The following DPP10 variants were observed in gnomAD, a reference collection of about 807,000 sequenced individuals.
DPP10 encodes dipeptidyl peptidase like 10.
A neutral mutation model predicts 120.9 loss-of-function variants in DPP10; 33 were observed. The ratio of observed to expected loss-of-function variants is 0.27; its 90% confidence interval spans 0.21 to 0.37. DPP10 has a LOEUF of 0.37. Among genes scored for constraint, DPP10 ranks in the 10% least tolerant of loss-of-function variants. DPP10 has a pLI of 1.00. For synonymous variants in DPP10, 337 were observed against 326.1 expected (o/e 1.03, Z -0.36); for missense variants, 816 against 942.8 (o/e 0.87, Z 1.76).
intron 1 of DPP10, among the ~76,000 whole-genome samples, chr2:115,091,154 G>A (rs758776643): frequency 4.3e-4 from 65 of 152,116 alleles, no homozygotes; most frequent in Non-Finnish European, 9.1e-4. Context: ...CCTGTGCTAA[G>A]AAGCCAGATC....
rs187088467 is a variant in DPP10, at chr2:115,628,220, C to T, written c.442-61467C>T. Among the ~76,000 whole-genome samples, 433 of 152,198 alleles carry T rather than the reference C, an allele frequency of 2.8e-3. 3 individuals carry two copies. Among genetic ancestry groups the T allele is most frequent in the Non-Finnish European group, 9.7e-4 (66 of 68,014 alleles). ...TTTTAATAATCACCATTCTGACTGG[C>T]GTGAGATGCTTCTCATTGTGGTTCT... On this transcript the variant is annotated intron_variant, in intron 5 of 25. Transcript: ENST00000410059.
At chr2:114,562,639 A>G (rs967843465) in intron 1 of DPP10, among the ~76,000 whole-genome samples, 26 of 152,320 alleles carry the variant, frequency 1.7e-4, no homozygotes, top group African/African-American at 5.8e-4. Context: ...ATGGTACAAC[A>G]TTGTAATAAA....
intron 1 of DPP10, among the ~76,000 whole-genome samples, chr2:114,945,499 T>C (rs1697277106): frequency 6.6e-6 from 1 of 152,084 alleles, no homozygotes; most frequent in Non-Finnish European, 1.5e-5. Flanking sequence ...CATCATTTTA[T>C]TGGAAAATTG....
intron 2 of DPP10, among the ~76,000 whole-genome samples, chr2:115,320,059 G>A (rs959887178): frequency 2.8e-4 from 42 of 152,002 alleles, no homozygotes; most frequent in Middle Eastern, 3.2e-3. Context: ...CATATAATTT[G>A]TATCTGTATT....
chr2:114,994,562 C>T (rs758278056), intron 1 of DPP10, among the ~76,000 whole-genome samples: 2 of 152,160 alleles, frequency 1.3e-5, no homozygotes, highest in Non-Finnish European at 2.9e-5. Flanking sequence ...TGCAGGCCCT[C>T]CAGGATGTGG....
chr2:115,099,233 G>C (rs1278887041), intron 1 of DPP10, among the ~76,000 whole-genome samples: 1 of 152,084 alleles, frequency 6.6e-6, no homozygotes, highest in Non-Finnish European at 1.5e-5. Context: ...AGAATCACTT[G>C]AACCCAGGAG....
rs114807644 is a variant in DPP10, at chr2:115,630,872, G to C, written c.442-58815G>C. On this transcript the variant is annotated intron_variant, in intron 5 of 25. Coordinates refer to ENST00000410059, the MANE Select transcript of DPP10 (RefSeq NM_020868.6). ...TTGATATTGGCCTGAAATATTCTTT[G>C]TGGTATCTCTGCCAGGTTTTGGTAT... is the stretch of plus-strand genomic sequence containing the variant. Among the ~76,000 whole-genome samples the C allele has an allele frequency of 6.8e-3, 1,031 of 151,816 alleles. 13 individuals carry two copies. Among genetic ancestry groups the C allele is most frequent in the African/African-American group, 0.024 (984 of 41,448 alleles).
At chr2:114,826,321 T>C (rs954624706) in intron 1 of DPP10, among the ~76,000 whole-genome samples, 6 of 152,108 alleles carry the variant, frequency 3.9e-5, no homozygotes, top group Non-Finnish European at 7.4e-5. Flanking sequence ...GCTTGTGAAA[T>C]GTTAGAATTA....
intron 2 of DPP10, among the ~76,000 whole-genome samples, chr2:115,339,047 C>T (rs1053904561): frequency 1.3e-5 from 2 of 152,098 alleles, no homozygotes; most frequent in East Asian, 1.9e-4. Flanking sequence ...ATTTGAAATT[C>T]ACGTATCTGA....
At chr2:115,629,012 G>C (rs1252922958) in intron 5 of DPP10, among the ~76,000 whole-genome samples, 2 of 151,936 alleles carry the variant, frequency 1.3e-5, no homozygotes, top group African/African-American at 4.8e-5. Flanking sequence ...TCCCCACCCT[G>C]TGACCCAGTG....
intron 5 of DPP10, among the ~76,000 whole-genome samples, chr2:115,660,451 A>C (rs2149405398): frequency 6.6e-6 from 1 of 152,288 alleles, no homozygotes. Context: ...TAATTGTATA[A>C]ATATCTCCAG....
chr2:115,225,881 G>A (rs1251132174), intron 1 of DPP10, among the ~76,000 whole-genome samples: 1 of 151,702 alleles, frequency 6.6e-6, no homozygotes, highest in Non-Finnish European at 1.5e-5. Context: ...AGATGGACCC[G>A]GGGTTTTGTG....
chr2:114,775,524 C>T (rs1159826674), intron 1 of DPP10, among the ~76,000 whole-genome samples: 1 of 152,158 alleles, frequency 6.6e-6, no homozygotes, highest in Non-Finnish European at 1.5e-5. Context: ...ATCCTTTCTT[C>T]TTTGAGCTTC....
chr2:115,816,240 A>G (rs1687214058), intron 21 of DPP10, among the ~76,000 whole-genome samples: 1 of 152,170 alleles, frequency 6.6e-6, no homozygotes, highest in South Asian at 2.1e-4. Flanking sequence ...CATAAAGAAA[A>G]CAAAGAAAAA....
chr2:115,652,756 TC>T (rs137894697), intron 5 of DPP10, among the ~76,000 whole-genome samples: 3,514 of 151,986 alleles, frequency 0.023, 138 homozygotes, highest in African/African-American at 0.081. Flanking sequence ...GATTCAAGCC[TC>T]CATGGATTGG....
At chr2:115,515,145 G>A (rs920468873) in intron 4 of DPP10, among the ~76,000 whole-genome samples, 2 of 151,784 alleles carry the variant, frequency 1.3e-5, no homozygotes, top group African/African-American at 4.8e-5. Context: ...ATTACCACTG[G>A]TTTAAATATT....
chr2:114,749,441 T>C (rs954517398), intron 1 of DPP10, among the ~76,000 whole-genome samples: 1 of 152,092 alleles, frequency 6.6e-6, no homozygotes, highest in South Asian at 2.1e-4. Context: ...TCTTGCCCAA[T>C]GACTGCCAGT....
At chr2:115,752,962 AATAC>A (rs766549472) in intron 10 of DPP10, among the ~76,000 whole-genome samples, 11 of 152,140 alleles carry the variant, frequency 7.2e-5, no homozygotes, top group Non-Finnish European at 1.3e-4. Context: ...CATCCATGTG[AATAC>A]ATACATACAC....
At chr2:115,275,900 A>AAG (rs2059901551) in intron 1 of DPP10, among the ~76,000 whole-genome samples, 1 of 151,524 alleles carries the variant, frequency 6.6e-6, no homozygotes, top group Admixed American at 6.6e-5. Context: ...ACGGGGTTTC[A>AAG]CCGTGTTAGC....
Sources: allele counts gnomAD v4.1 joint callset (sites outside exome capture counted in the v4.1 genomes callset), GRCh38; gene constraint gnomAD v4.1.1; transcripts MANE v1.5; gene names NCBI Gene and HGNC (gene_info 2026-07-23, HGNC 2026-07-21).